DOK5: variants seen among roughly 807,000 people sequenced by gnomAD.
DOK5 encodes the protein docking protein 5.
A neutral mutation model predicts 43.3 loss-of-function variants in DOK5; 27 were observed. That is an observed-to-expected ratio of 0.62 (90% confidence interval 0.46 to 0.86). DOK5 has a LOEUF of 0.86. Among genes scored for constraint, DOK5 ranks in the 40% least tolerant of loss-of-function variants. The pLI is 0.00. For missense variants in DOK5, 373 were observed against 392.9 expected (o/e 0.95, Z 0.43); for synonymous variants, 146 against 140.1 (o/e 1.04, Z -0.30).
At chr20:54,608,817 G>GC (rs941581126) in intron 5 of DOK5, among the ~76,000 whole-genome samples, 3 of 151,938 alleles carry the variant, frequency 2.0e-5, no homozygotes, top group African/African-American at 7.2e-5. Flanking sequence ...GATTACAGGT[G>GC]CCCCCCACAC....
chr20:54,484,515 T>A (rs1032106549), intron 1 of DOK5, among the ~76,000 whole-genome samples: 7 of 152,184 alleles, frequency 4.6e-5, no homozygotes, highest in Admixed American at 1.3e-4. Flanking sequence ...TTCCCCCCAA[T>A]GGTAACATCT....
chr20:54,603,929 G>C (rs1986379341), intron 5 of DOK5, among the ~76,000 whole-genome samples: 1 of 139,430 alleles, frequency 7.2e-6, no homozygotes, highest in Non-Finnish European at 1.5e-5. Flanking sequence ...TACTCCACTT[G>C]TTCAAACTGT....
chr20:54,514,897 G>T (rs972305495), intron 1 of DOK5, among the ~76,000 whole-genome samples: 2 of 149,632 alleles, frequency 1.3e-5, no homozygotes, highest in African/African-American at 4.9e-5. Flanking sequence ...CCTTCTTTCC[G>T]TCCCTCCCTT....
intron 7 of DOK5, among the ~76,000 whole-genome samples, chr20:54,649,058 C>T (rs548768622): frequency 2.6e-5 from 4 of 152,282 alleles, no homozygotes; most frequent in Admixed American, 1.3e-4. Flanking sequence ...TTGAGGAAAT[C>T]AAAGAGTGGC....
At chr20:54,642,299 C>CT (rs1979158166) in intron 6 of DOK5, among the ~76,000 whole-genome samples, 1 of 152,096 alleles carries the variant, frequency 6.6e-6, no homozygotes, top group African/African-American at 2.4e-5. Context: ...GCCATTTCAT[C>CT]TTTTTTCCTC....
At chr20:54,577,030 A>G (rs895454438) in intron 2 of DOK5, among the ~76,000 whole-genome samples, 1 of 152,140 alleles carries the variant, frequency 6.6e-6, no homozygotes, top group East Asian at 1.9e-4. Context: ...GGATTCATTC[A>G]TATGTTATTA....
rs540032930 is a variant in DOK5, at chr20:54,564,116, T to C, written c.174+9076T>C. On this transcript the variant is annotated intron_variant, in intron 2 of 7. Transcript: ENST00000262593. ...TTCATTGTGATGAAAACATTACAAA[T>C]ACTTCAGCTATAATAAGACTTCTAT... Among the ~76,000 whole-genome samples the C allele has an allele frequency of 7.7e-4, 117 of 152,308 alleles. 2 individuals carry two copies. The Middle Eastern group carries it at 0.01, about 13-fold the overall frequency.
At chr20:54,579,261 C>T (rs1458860048) in intron 2 of DOK5, among the ~76,000 whole-genome samples, 2 of 151,834 alleles carry the variant, frequency 1.3e-5, no homozygotes, top group Non-Finnish European at 2.9e-5. Flanking sequence ...TATCACTTGC[C>T]ATGAATAGAA....
At chr20:54,586,413 C>T (rs1309846748) in intron 2 of DOK5, among the ~76,000 whole-genome samples, 2 of 152,106 alleles carry the variant, frequency 1.3e-5, no homozygotes. Context: ...GAGGCATTTG[C>T]CTTCTAGAAG....
At chr20:54,641,818 T>C (rs908069673) in intron 6 of DOK5, among the ~76,000 whole-genome samples, 3 of 152,210 alleles carry the variant, frequency 2.0e-5, no homozygotes, top group African/African-American at 4.8e-5. Context: ...AGTATTACAT[T>C]GTGCCTATGT....
chr20:54,485,098 G>A (rs546955500), intron 1 of DOK5, among the ~76,000 whole-genome samples: 2 of 152,194 alleles, frequency 1.3e-5, no homozygotes, highest in Admixed American at 6.5e-5. Context: ...TTGGGAGGCC[G>A]AGGCGGGCAG....
Position 54,591,542 on chromosome 20 carries a change from G to A in DOK5, c.410-74G>A, listed in dbSNP as rs6014068. The stretch of plus-strand genomic sequence containing the variant: ...ATGTGAACTTGAATTGTTTTTAAAT[G>A]CCTCTATGTTCCTACAATGTCTTTG... On this transcript the variant is annotated intron_variant, in intron 4 of 7. Transcript: ENST00000262593. 3.4e-3 allele frequency: 3,915 copies of A among 1,142,860 alleles called. 115 individuals are homozygous for A. The African/African-American group carries it at 0.055, about 16-fold the overall frequency. 70.8% of individuals were successfully genotyped at this position (1,142,860 alleles called of 1,614,324 possible). A position where few individuals can be genotyped will look rare whatever the true frequency, so the allele number is the denominator to read the frequency against.
intron 2 of DOK5, among the ~76,000 whole-genome samples, chr20:54,576,916 A>G (rs922567900): frequency 6.6e-6 from 1 of 152,238 alleles, no homozygotes; most frequent in Non-Finnish European, 1.5e-5. Context: ...GTGTACTTTT[A>G]AAGATGCAGT....
chr20:54,610,072 G>A (rs1012329453), intron 5 of DOK5, among the ~76,000 whole-genome samples: 1 of 152,208 alleles, frequency 6.6e-6, no homozygotes, highest in African/African-American at 2.4e-5. Context: ...GAGTGGCAAG[G>A]TGAAGGATAG....
chr20:54,596,744 C>T (rs1986154062), intron 5 of DOK5, among the ~76,000 whole-genome samples: 1 of 152,066 alleles, frequency 6.6e-6, no homozygotes, highest in Non-Finnish European at 1.5e-5. Flanking sequence ...TTGTATCCAC[C>T]CAAACTAGTA....
At chr20:54,627,635 G>A (rs1568818506) in intron 6 of DOK5, among the ~76,000 whole-genome samples, 1 of 152,198 alleles carries the variant, frequency 6.6e-6, no homozygotes, top group South Asian at 2.1e-4. Context: ...CAGGGTGACA[G>A]GGTAAGGGTA....
At chr20:54,605,046 CGTAT>C (rs140076961) in intron 5 of DOK5, among the ~76,000 whole-genome samples, 7,184 of 143,958 alleles carry the variant, frequency 0.05, 210 homozygotes, top group Middle Eastern at 0.062. Context: ...CACACACACA[CGTAT>C]ACACACACAC....
At chr20:54,583,930 G>A (rs1198144560) in intron 2 of DOK5, among the ~76,000 whole-genome samples, 2 of 151,548 alleles carry the variant, frequency 1.3e-5, no homozygotes, top group African/African-American at 4.8e-5. Context: ...GGAGGCTGAG[G>A]CGAGTGGATC....
chr20:54,575,190 A>C (rs996003913), intron 2 of DOK5, among the ~76,000 whole-genome samples: 1 of 152,220 alleles, frequency 6.6e-6, no homozygotes, highest in African/African-American at 2.4e-5. Flanking sequence ...TTCAACAGGC[A>C]GGAATCATTT....
Sources: allele counts gnomAD v4.1 joint callset (sites outside exome capture counted in the v4.1 genomes callset), GRCh38; gene constraint gnomAD v4.1.1; transcripts MANE v1.5; gene names NCBI Gene and HGNC (gene_info 2026-07-23, HGNC 2026-07-21).